RAB3GAP2: variants seen among roughly 807,000 people sequenced by gnomAD.
RAB3GAP2 encodes RAB3 GTPase activating non-catalytic protein subunit 2.
RAB3GAP2 carries 87 observed loss-of-function variants against 185.3 expected under a neutral mutation model. That is an observed-to-expected ratio of 0.47 (90% CI 0.39 to 0.56). The LOEUF (loss-of-function observed/expected upper bound fraction) is 0.56. Among genes scored for constraint, RAB3GAP2 ranks in the 20% least tolerant of loss-of-function variants. The probability of loss-of-function intolerance (pLI) is 0.00; values close to 1 mark genes in which losing one functional copy is unlikely to be tolerated. For synonymous variants in RAB3GAP2, 554 were observed against 576.1 expected (o/e 0.96, Z 0.55); for missense variants, 1,492 against 1,638.2 (o/e 0.91, Z 1.54).
chr1:220,222,309 A>AT (rs1344592709), intron 2 of RAB3GAP2, among the ~76,000 whole-genome samples: 1 of 152,128 alleles, frequency 6.6e-6, no homozygotes, highest in Non-Finnish European at 1.5e-5. Context: ...CCCAAACAAA[A>AT]TTTTTTACAA....
chr1:220,179,186 T>C (rs990368766), intron 21 of RAB3GAP2, among the ~76,000 whole-genome samples: 25 of 145,110 alleles, frequency 1.7e-4, no homozygotes, highest in Admixed American at 1.7e-3. Flanking sequence ...GAGGTAGAGG[T>C]TGCAGTGAGC....
chr1:220,271,179 T>C (rs1377653924), intron 1 of RAB3GAP2: 2 of 152,212 alleles, frequency 1.3e-5, no homozygotes, highest in African/African-American at 4.8e-5. Context: ...GTAGCACCAA[T>C]GACTGGCACA....
Position 220,190,116 on chromosome 1 carries a change from C to T in RAB3GAP2, c.1662G>A (p.Met554Ile). The T allele has an allele frequency of 6.2e-7, 1 of 1,613,482 alleles. No individual in the cohort carries two copies. The highest frequency in any genetic ancestry group is 8.5e-7 in the Non-Finnish European group (1 of 1,179,510). Residue 554 changes from methionine to isoleucine, a missense_variant, in exon 16 of 35, where the codon ATG (methionine) becomes ATA (isoleucine). Coordinates refer to ENST00000358951, the MANE Select transcript of RAB3GAP2 (RefSeq NM_012414.4). Reference sequence around the variant, plus strand: ...AGGCTGCTAGTTTCTTCACTAGGTGCATATCCTTGGCTCGTTCACTCTTCT... The same window carrying T: ...AGGCTGCTAGTTTCTTCACTAGGTGTATATCCTTGGCTCGTTCACTCTTCT... ...SDKKSERAKDMHLVKKLAALL... is the reference protein window; with the variant it reads ...SDKKSERAKDIHLVKKLAALL...
chr1:220,247,306 A>G (rs988480595), intron 1 of RAB3GAP2, among the ~76,000 whole-genome samples: 1 of 152,238 alleles, frequency 6.6e-6, no homozygotes, highest in Non-Finnish European at 1.5e-5. Context: ...ACATGCACAC[A>G]CGTTTATAGC....
At chr1:220,233,234 C>T (rs1659532551) in intron 1 of RAB3GAP2, among the ~76,000 whole-genome samples, 1 of 151,392 alleles carries the variant, frequency 6.6e-6, no homozygotes, top group Non-Finnish European at 1.5e-5. Context: ...GACAAATATA[C>T]ACGGTGATAA....
chr1:220,272,285 C>T lies in RAB3GAP2; in HGVS notation c.53G>A (p.Arg18Gln). The change falls in exon 1 of 35, where the codon CGG becomes CAG. Residue 18 changes from arginine (R) to glutamine (Q), a missense_variant. By Grantham distance (43) the Arg-to-Gln change is conservative. This residue lies in a region of RAB3GAP2 where 177 missense variants were observed against 160.6 expected (regional missense o/e 1.10). Transcript: ENST00000358951. ...CCGCAGGTGAGGAAAGAGGAAGTCC[C>T]GGGCGGCCTGGAGGTCCTGGAAGTA... ...FCYFQDLQAA[R>Q]DFLFPHLREE... 6.2e-7 allele frequency: 1 copy of T among 1,612,486 alleles called. No homozygotes were observed. Among genetic ancestry groups the T allele is most frequent in the Non-Finnish European group, 8.5e-7 (1 of 1,179,664 alleles).
chr1:220,189,554 A>G (rs185385552), intron 17 of RAB3GAP2, 149 bp downstream of exon 17: 1 of 662,280 alleles, frequency 1.5e-6, no homozygotes, highest in Admixed American at 4.2e-5. Flanking sequence ...AGGAACTTCT[A>G]TCTGAAAATA....
At chr1:220,182,159 A>T (rs915655147) in intron 21 of RAB3GAP2, 98 bp downstream of exon 21, 2 of 1,571,548 alleles carry the variant, frequency 1.3e-6, no homozygotes, top group African/African-American at 2.8e-5. Flanking sequence ...ACATTCTGTG[A>T]TATCCTAAAA....
At chr1:220,219,272 C>G (rs1659256808) in intron 2 of RAB3GAP2, among the ~76,000 whole-genome samples, 1 of 150,494 alleles carries the variant, frequency 6.6e-6, no homozygotes, top group Admixed American at 6.6e-5. Context: ...CCTCTTGAAG[C>G]CAACTGACAG....
rs1457777929 is a variant in RAB3GAP2, at chr1:220,272,359, G to A, written c.-22C>T. 1.3e-6 allele frequency: 2 copies of A among 1,560,220 alleles called. No homozygotes were observed. The highest frequency in any genetic ancestry group is 1.8e-6 in the Non-Finnish European group (2 of 1,138,632). On this transcript the variant is annotated 5_prime_UTR_variant, in exon 1 of 35. Transcript: ENST00000358951. ...CCATGGCTCCAGGGAACCCCACTAC[G>A]GCACTCACCTTACCTCACCACGCCC...
intron 7 of RAB3GAP2, among the ~76,000 whole-genome samples, chr1:220,208,756 G>A (rs146247721): frequency 0.15 from 22,315 of 151,020 alleles, 2,108 homozygotes; most frequent in Admixed American, 0.23. Context: ...TCGCTCTGTC[G>A]CCCAGGCTGG....
intron 1 of RAB3GAP2, among the ~76,000 whole-genome samples, chr1:220,240,646 C>A (rs1476871838): frequency 6.6e-6 from 1 of 152,002 alleles, no homozygotes; most frequent in Non-Finnish European, 1.5e-5. Context: ...AGCTGATCTC[C>A]AACCAACTTA....
intron 21 of RAB3GAP2, among the ~76,000 whole-genome samples, chr1:220,176,984 C>A (rs997841770): frequency 6.6e-6 from 1 of 152,142 alleles, no homozygotes; most frequent in Non-Finnish European, 1.5e-5. Flanking sequence ...ACAAAACAGG[C>A]CCCCCAGCCT....
rs1349694760 is a variant in RAB3GAP2 at position 220,150,342 on chromosome 1, G to GT, written c.*908dup. On this transcript the variant is annotated 3_prime_UTR_variant, in exon 35 of 35. Transcript: ENST00000358951. ...GCTAAAGCTGTAATACCACTAAGCA[G>GT]TTTTTTCAATACTGTTCCCAAGGAC... The GT allele has an allele frequency of 2.0e-5, 3 of 150,812 alleles. No individual in the cohort carries two copies. The highest frequency in any genetic ancestry group is 7.3e-5 in the African/African-American group (3 of 41,066). 9.3% of individuals were successfully genotyped at this position (150,812 alleles called of 1,614,324 possible).
At chr1:220,244,874 G>T (rs934850697) in intron 1 of RAB3GAP2, among the ~76,000 whole-genome samples, 1 of 152,058 alleles carries the variant, frequency 6.6e-6, no homozygotes, top group Non-Finnish European at 1.5e-5. Context: ...AAAAATCCTG[G>T]AAGATAACAT....
At chr1:220,191,878 T>C (rs138139430) in intron 13 of RAB3GAP2, among the ~76,000 whole-genome samples, 128 of 151,812 alleles carry the variant, frequency 8.4e-4, no homozygotes, top group African/African-American at 3.0e-3. Flanking sequence ...CCCCTCCTGC[T>C]CTCATTCCCT....
Position 220,190,431 on chromosome 1 carries a change from T to C in RAB3GAP2, c.1577A>G (p.Asp526Gly), listed in dbSNP as rs1415673880. ...TGTTTTCACACTTCCAGACACTGGA[T>C]CAACCAGACAGATCTGATAAGTCTG... is the stretch of plus-strand genomic sequence containing the variant. ...QPQTYQICLVDPVSGSVKTVN... is the reference protein window; with the variant it reads ...QPQTYQICLVGPVSGSVKTVN... Residue 526 changes from aspartate (D) to glycine (G), a missense_variant, in exon 15 of 35, where the codon GAT becomes GGT. This residue lies in a region of RAB3GAP2 where 681 missense variants were observed against 689.1 expected (regional missense o/e 0.99). Coordinates refer to ENST00000358951, the MANE Select transcript of RAB3GAP2 (RefSeq NM_012414.4). 1.2e-6 allele frequency: 2 copies of C among 1,614,056 alleles called. No individual in the cohort carries two copies. The highest frequency in any genetic ancestry group is 3.3e-5 in the Admixed American group (2 of 60,018).
At chr1:220,189,969 C>G in intron 16 of RAB3GAP2, 95 bp downstream of exon 16, 1 of 1,141,722 alleles carries the variant, frequency 8.8e-7, no homozygotes, top group Non-Finnish European at 1.3e-6. Context: ...ATAAGCTCAT[C>G]CATGCATTAT....
rs1571871092 is a variant in RAB3GAP2 at position 220,151,671 on chromosome 1, T to C, written c.3961A>G (p.Thr1321Ala). ...GCAAGCAGCTCCATTCCTTCTTTTG[T>C]CTGGGTGTGGAGAAGCGCATGAGCC... ...RLAHALLHTQ[T>A]KEGMELLARL... Residue 1321 changes from threonine (T) to alanine (A), a missense_variant, in exon 34 of 35, where the codon ACA becomes GCA. Coordinates refer to ENST00000358951, the MANE Select transcript of RAB3GAP2 (RefSeq NM_012414.4). 6.2e-7 allele frequency: 1 copy of C among 1,611,730 alleles called. No homozygotes were observed. Among genetic ancestry groups the C allele is most frequent in the African/African-American group, 1.3e-5 (1 of 74,966 alleles).
Sources: gnomAD v4.1 joint callset for allele counts (sites outside exome capture counted in the v4.1 genomes callset) on GRCh38, gnomAD v4.1.1 for gene constraint, gnomAD v4.1.1 regional missense constraint, MANE v1.5 for transcripts, NCBI Gene and HGNC (gene_info 2026-07-23, HGNC 2026-07-21) for gene names.